The following SNX24 variants were observed in gnomAD, a reference collection of about 807,000 sequenced individuals.
SNX24 encodes the protein sorting nexin 24, also known as sorting nexin-24.
In SNX24, 22 loss-of-function variants were observed where a neutral mutation model predicts 28.7. That is an observed-to-expected ratio of 0.77 (90% CI 0.55 to 1.10). SNX24 has a LOEUF of 1.10. SNX24 is among the 50% of genes least tolerant of loss of function. SNX24 has a pLI of 0.00. For synonymous variants in SNX24, 69 were observed against 71.5 expected (o/e 0.96, Z 0.18); for missense variants, 221 against 201.1 (o/e 1.10, Z -0.60).
chr5:122,910,665 G>C (rs552996415), intron 1 of SNX24, among the ~76,000 whole-genome samples: 4 of 125,300 alleles, frequency 3.2e-5, no homozygotes, highest in Non-Finnish European at 4.7e-5. Context: ...TCCCCTTCCT[G>C]TGTCCATGTG....
intron 6 of SNX24, among the ~76,000 whole-genome samples, chr5:123,003,742 AG>A (rs1170246729): frequency 6.6e-5 from 10 of 152,212 alleles, no homozygotes; most frequent in Admixed American, 1.3e-4. Flanking sequence ...AAGAAACATC[AG>A]GGGTAAATGT....
chr5:122,899,694 G>C (rs1055701471), intron 1 of SNX24, among the ~76,000 whole-genome samples: 2 of 152,058 alleles, frequency 1.3e-5, no homozygotes, highest in Admixed American at 6.6e-5. Context: ...CAGGCGCGAG[G>C]CACTGTGCCT....
At position 122,985,157 on chromosome 5, in the gene SNX24, C is replaced by T. The variant is rs113696898; in HGVS notation, c.250-14755C>T. 4.2e-3 allele frequency among the ~76,000 whole-genome samples: 647 copies of T among 152,288 alleles called. 5 individuals carry two copies. The highest frequency in any genetic ancestry group is 0.015 in the African/African-American group (615 of 41,544). ...AACTTATAACCATATCATCTCATGT[C>T]ATGACCGTGTTTATTTATTTCCCTG... On this transcript the variant is annotated intron_variant, in intron 3 of 6. Coordinates refer to ENST00000261369, the MANE Select transcript of SNX24 (RefSeq NM_014035.4).
At chr5:122,905,662 C>A (rs1027632330) in intron 1 of SNX24, among the ~76,000 whole-genome samples, 1 of 152,136 alleles carries the variant, frequency 6.6e-6, no homozygotes, top group Non-Finnish European at 1.5e-5. Context: ...CTGTAATAAC[C>A]CTAGGAACAC....
chr5:122,936,919 G>T (rs1759204319), intron 2 of SNX24, 102 bp downstream of exon 2: 6 of 588,006 alleles, frequency 1.0e-5, no homozygotes, highest in Non-Finnish European at 1.8e-5. Context: ...TATTTCTTGT[G>T]TATGTATATA....
intron 3 of SNX24, among the ~76,000 whole-genome samples, chr5:122,974,889 G>T (rs1033216518): frequency 1.3e-5 from 2 of 152,192 alleles, no homozygotes; most frequent in African/African-American, 2.4e-5. Flanking sequence ...CAATGTGTGG[G>T]TGCTGCCAGC....
At chr5:122,860,119 G>A (rs1010273997) in intron 1 of SNX24, among the ~76,000 whole-genome samples, 7 of 152,252 alleles carry the variant, frequency 4.6e-5, no homozygotes, top group African/African-American at 1.7e-4. Context: ...CAGATGCAAA[G>A]TTTTCCCCAC....
At chr5:122,866,196 C>T (rs1169745866) in intron 1 of SNX24, among the ~76,000 whole-genome samples, 1 of 152,196 alleles carries the variant, frequency 6.6e-6, no homozygotes, top group African/African-American at 2.4e-5. Context: ...GTCACCCAGG[C>T]TGGGGTGCAG....
At chr5:122,871,412 G>A (rs188082735) in intron 1 of SNX24, among the ~76,000 whole-genome samples, 3 of 152,126 alleles carry the variant, frequency 2.0e-5, no homozygotes, top group Non-Finnish European at 2.9e-5. Flanking sequence ...TTAAAGGGCT[G>A]GTTCACATTC....
At chr5:122,888,146 C>G (rs1355815820) in intron 1 of SNX24, among the ~76,000 whole-genome samples, 9 of 152,126 alleles carry the variant, frequency 5.9e-5, no homozygotes. Context: ...GTGTTCTTTA[C>G]ATTTTTCAGT....
intron 3 of SNX24, among the ~76,000 whole-genome samples, chr5:122,950,564 A>C (rs933609343): frequency 3.9e-5 from 6 of 152,214 alleles, no homozygotes; most frequent in African/African-American, 1.4e-4. Flanking sequence ...CCTAGTACAG[A>C]GGAAAAGAAG....
At chr5:122,858,377 T>A (rs1755304727) in intron 1 of SNX24, among the ~76,000 whole-genome samples, 1 of 152,198 alleles carries the variant, frequency 6.6e-6, no homozygotes, top group Admixed American at 6.5e-5. Context: ...AAACTTTAAT[T>A]TGTAATAAAT....
chr5:122,999,908 A>G lies in SNX24; in HGVS notation c.250-4A>G. ...GTTTCGAATTCTGTTTTCTGCTTTC[A>G]CAGGCTGTCATTTTAGAAAATGAAG... On this transcript the variant is annotated splice_region_variant and splice_polypyrimidine_tract_variant and intron_variant, in intron 3 of 6. Transcript: ENST00000261369. 1.9e-6 allele frequency: 3 copies of G among 1,587,116 alleles called. No homozygotes were observed. Among genetic ancestry groups the G allele is most frequent in the Non-Finnish European group, 2.6e-6 (3 of 1,155,468 alleles).
intron 1 of SNX24, among the ~76,000 whole-genome samples, chr5:122,894,311 TACAC>T (rs889522076): frequency 2.0e-5 from 3 of 152,190 alleles, no homozygotes; most frequent in Non-Finnish European, 2.9e-5. Flanking sequence ...TGCACACACA[TACAC>T]ACACGCTTAT....
intron 3 of SNX24, among the ~76,000 whole-genome samples, chr5:122,962,643 G>A (rs1760532935): frequency 6.6e-6 from 1 of 152,216 alleles, no homozygotes; most frequent in South Asian, 2.1e-4. Flanking sequence ...GGTGGCATAG[G>A]CCAGTGGAGG....
chr5:122,962,797 T>C (rs1233719543), intron 3 of SNX24, among the ~76,000 whole-genome samples: 2 of 152,260 alleles, frequency 1.3e-5, no homozygotes, highest in African/African-American at 4.8e-5. Context: ...CATAAAACTT[T>C]GGGAGTTTTA....
chr5:122,930,674 G>T (rs1377243567), intron 1 of SNX24, among the ~76,000 whole-genome samples: 2 of 151,954 alleles, frequency 1.3e-5, no homozygotes, highest in Non-Finnish European at 2.9e-5. Flanking sequence ...TAATTTTTTT[G>T]TTCTTTCATC....
intron 3 of SNX24, among the ~76,000 whole-genome samples, chr5:122,976,846 A>G (rs1175061591): frequency 3.3e-5 from 5 of 152,228 alleles, no homozygotes; most frequent in Non-Finnish European, 7.4e-5. Flanking sequence ...TCATATGTCT[A>G]TGATTGCTTG....
intron 1 of SNX24, among the ~76,000 whole-genome samples, chr5:122,907,485 G>C (rs993337110): frequency 2.0e-5 from 3 of 152,174 alleles, no homozygotes; most frequent in Admixed American, 2.0e-4. Flanking sequence ...CACGGGGCTG[G>C]TAATTCTGTC....
Sources: gnomAD v4.1 joint callset for allele counts (sites outside exome capture counted in the v4.1 genomes callset) on GRCh38, gnomAD v4.1.1 for gene constraint, MANE v1.5 for transcripts, NCBI Gene and HGNC (gene_info 2026-07-23, HGNC 2026-07-21) for gene names.